The following FGGY variants were observed in gnomAD, a reference collection of about 807,000 sequenced individuals.
FGGY encodes the protein FGGY carbohydrate kinase domain-containing protein.
FGGY carries 72 observed loss-of-function variants against 71.3 expected under a neutral mutation model. The ratio of observed to expected loss-of-function variants is 1.01; its 90% confidence interval spans 0.84 to 1.23. The LOEUF (loss-of-function observed/expected upper bound fraction) is 1.23. Among genes scored for constraint, FGGY ranks in the 50% most tolerant of loss-of-function variants. The pLI is 0.00. For missense variants in FGGY, 668 were observed against 682.3 expected (o/e 0.98, Z 0.23); for synonymous variants, 251 against 250.3 (o/e 1.00, Z -0.02).
At chr1:59,634,236 C>A (rs938832518) in intron 10 of FGGY, among the ~76,000 whole-genome samples, 2 of 152,074 alleles carry the variant, frequency 1.3e-5, no homozygotes, top group African/African-American at 4.8e-5. Flanking sequence ...GAAACCCCAT[C>A]TCTACTAAAA....
intron 10 of FGGY, among the ~76,000 whole-genome samples, chr1:59,628,255 G>A (rs1057274107): frequency 6.6e-6 from 1 of 152,130 alleles, no homozygotes; most frequent in South Asian, 2.1e-4. Context: ...CCTTTTATGA[G>A]GCACCGATAA....
At chr1:59,613,448 A>G (rs1479963962) in intron 9 of FGGY, among the ~76,000 whole-genome samples, 1 of 152,248 alleles carries the variant, frequency 6.6e-6, no homozygotes. Context: ...TTTGAAACCA[A>G]TGAGAACAAA....
At chr1:59,499,733 T>C (rs1421179329) in intron 6 of FGGY, among the ~76,000 whole-genome samples, 2 of 152,224 alleles carry the variant, frequency 1.3e-5, no homozygotes, top group African/African-American at 4.8e-5. Context: ...TAACATCTTA[T>C]TAGTGTAACT....
chr1:59,410,638 G>A (rs1041744116), intron 5 of FGGY, among the ~76,000 whole-genome samples: 4 of 152,126 alleles, frequency 2.6e-5, no homozygotes, highest in African/African-American at 7.2e-5. Flanking sequence ...CCAACCATCT[G>A]GTTACATGAA....
chr1:59,711,156 CTG>C (rs1483497408), intron 14 of FGGY, among the ~76,000 whole-genome samples: 1 of 152,042 alleles, frequency 6.6e-6, no homozygotes, highest in Non-Finnish European at 1.5e-5. Flanking sequence ...ATGGATGAAA[CTG>C]AAAACCATCA....
chr1:59,727,338 C>A (rs541280439), intron 14 of FGGY, among the ~76,000 whole-genome samples: 1 of 152,144 alleles, frequency 6.6e-6, no homozygotes, highest in Non-Finnish European at 1.5e-5. Context: ...TTATGAATAG[C>A]ATGGCAATGA....
chr1:59,692,201 C>T (rs1016882866), intron 14 of FGGY, among the ~76,000 whole-genome samples: 50 of 152,056 alleles, frequency 3.3e-4, no homozygotes, highest in African/African-American at 1.2e-3. Context: ...AGTAAATGAC[C>T]CGGACTTCCA....
At chr1:59,591,786 A>G (rs2096445350) in intron 8 of FGGY, among the ~76,000 whole-genome samples, 1 of 152,246 alleles carries the variant, frequency 6.6e-6, no homozygotes, top group Non-Finnish European at 1.5e-5. Flanking sequence ...ACAAAAGTTA[A>G]TTCAAGATGG....
chr1:59,665,885 G>T (rs1371798006), intron 12 of FGGY, among the ~76,000 whole-genome samples: 1 of 152,106 alleles, frequency 6.6e-6, no homozygotes, highest in African/African-American at 2.4e-5. Flanking sequence ...ATATTAGCCA[G>T]GATGGTCCCG....
At chr1:59,691,179 A>G (rs1050390790) in intron 14 of FGGY, among the ~76,000 whole-genome samples, 1 of 152,252 alleles carries the variant, frequency 6.6e-6, no homozygotes, top group Non-Finnish European at 1.5e-5. Flanking sequence ...TTTGCTGAAC[A>G]TAAGCACTGG....
intron 7 of FGGY, among the ~76,000 whole-genome samples, chr1:59,535,167 G>A (rs559971851): frequency 1.6e-3 from 242 of 152,132 alleles, no homozygotes; most frequent in African/African-American, 5.3e-3. Flanking sequence ...ACAAAAAAAG[G>A]CAGGGGTTGC....
At chr1:59,587,177 G>A (rs1355434959) in intron 8 of FGGY, among the ~76,000 whole-genome samples, 2 of 152,208 alleles carry the variant, frequency 1.3e-5, no homozygotes, top group African/African-American at 4.8e-5. Flanking sequence ...TGCACCCACG[G>A]AGTCTCACTG....
At chr1:59,663,892 G>A (rs982254998) in intron 12 of FGGY, among the ~76,000 whole-genome samples, 3 of 151,976 alleles carry the variant, frequency 2.0e-5, no homozygotes, top group South Asian at 2.1e-4. Flanking sequence ...ATTTGTTGTC[G>A]GTCAACTGAA....
chr1:59,640,460 T>A (rs1328712509), intron 11 of FGGY, among the ~76,000 whole-genome samples: 1 of 152,172 alleles, frequency 6.6e-6, no homozygotes, highest in Admixed American at 6.5e-5. Context: ...GCCGTAGATA[T>A]GAGTAAGATG....
chr1:59,664,410 C>T lies in FGGY; in HGVS notation c.1297-2873C>T, dbSNP rs140101684. Among the ~76,000 whole-genome samples, 72 of 152,346 alleles carry T rather than the reference C, an allele frequency of 4.7e-4. No homozygotes were observed. In the East Asian group the frequency reaches 0.013, roughly 28 times the overall value. On this transcript the variant is annotated intron_variant, in intron 12 of 15. Transcript: ENST00000303721. ...CATGGGGGAGAGACAGGCTGTCTGT[C>T]ACAGCCCCTCTCGAGGGAGTGCCTC...
In FGGY at chr1:59,411,648, C is replaced by T. The variant is rs144736414; in HGVS notation, c.554+32811C>T. 1.1e-3 allele frequency among the ~76,000 whole-genome samples: 175 copies of T among 152,314 alleles called. 3 individuals are homozygous for T. The highest frequency in any genetic ancestry group is 3.4e-3 in the Middle Eastern group (1 of 294). On this transcript the variant is annotated intron_variant, in intron 5 of 15. Coordinates refer to ENST00000303721, the MANE Select transcript of FGGY (RefSeq NM_018291.5). ...AATGCTTTGTAGGTGGCTTTATCCTCGCCACACACTTATTTATTCATTCAG... is the reference window on the plus strand; with the variant it reads ...AATGCTTTGTAGGTGGCTTTATCCTTGCCACACACTTATTTATTCATTCAG...
chr1:59,675,164 G>A (rs912543817), intron 14 of FGGY, among the ~76,000 whole-genome samples: 14 of 152,160 alleles, frequency 9.2e-5, no homozygotes, highest in South Asian at 2.1e-4. Flanking sequence ...TCAACTGAAC[G>A]TTCAAGAGAT....
intron 14 of FGGY, among the ~76,000 whole-genome samples, chr1:59,707,178 T>C (rs2097762883): frequency 6.6e-6 from 1 of 152,228 alleles, no homozygotes; most frequent in Non-Finnish European, 1.5e-5. Context: ...TGTCTCATTT[T>C]AACTCTTAAA....
chr1:59,385,680 A>G (rs547515599), intron 5 of FGGY, among the ~76,000 whole-genome samples: 12 of 152,270 alleles, frequency 7.9e-5, no homozygotes, highest in Admixed American at 2.0e-4. Context: ...AATAATAATA[A>G]TATAAGAAAA....
Sources: gnomAD v4.1 joint callset for allele counts (sites outside exome capture counted in the v4.1 genomes callset) on GRCh38, gnomAD v4.1.1 for gene constraint, MANE v1.5 for transcripts, NCBI Gene and HGNC (gene_info 2026-07-23, HGNC 2026-07-21) for gene names.